SPOCK3: variants seen among roughly 807,000 people sequenced by gnomAD.
SPOCK3 encodes SPARC (osteonectin), cwcv and kazal like domains proteoglycan 3.
Under a neutral mutation model 56.6 loss-of-function variants are expected in SPOCK3, and 30 were observed. That is an observed-to-expected ratio of 0.53 (90% CI 0.40 to 0.72). SPOCK3 has a LOEUF of 0.72. Among genes scored for constraint, SPOCK3 ranks in the 30% least tolerant of loss-of-function variants. The pLI, the probability that SPOCK3 is intolerant of heterozygous loss-of-function variation, is 0.00. For missense variants in SPOCK3, 527 were observed against 530.0 expected (o/e 0.99, Z 0.06); for synonymous variants, 196 against 183.3 (o/e 1.07, Z -0.56).
intron 2 of SPOCK3, 188 bp from the exon 3 acceptor site, chr4:167,062,725 CAAAA>C: frequency 1.8e-6 from 1 of 543,150 alleles, no homozygotes; most frequent in Non-Finnish European, 3.3e-6. Context: ...GAATAGTTAT[CAAAA>C]AGGAACACAC....
At chr4:167,169,941 T>C (rs1387414812) in intron 2 of SPOCK3, among the ~76,000 whole-genome samples, 1 of 152,136 alleles carries the variant, frequency 6.6e-6, no homozygotes, top group Non-Finnish European at 1.5e-5. Context: ...CCTGCCACCA[T>C]GTAAGATGTG....
At chr4:166,927,540 C>T (rs900359531) in intron 4 of SPOCK3, among the ~76,000 whole-genome samples, 5 of 152,156 alleles carry the variant, frequency 3.3e-5, no homozygotes, top group Admixed American at 6.5e-5. Flanking sequence ...CAGATGAATA[C>T]ACCCATAAAG....
At chr4:167,051,308 C>A (rs1042969786) in intron 3 of SPOCK3, among the ~76,000 whole-genome samples, 3 of 152,150 alleles carry the variant, frequency 2.0e-5, no homozygotes, top group Non-Finnish European at 4.4e-5. Flanking sequence ...CTCTAGCCAG[C>A]AGAGGCCTCC....
chr4:166,913,774 TTC>T (rs1737537425), intron 4 of SPOCK3, among the ~76,000 whole-genome samples: 1 of 151,728 alleles, frequency 6.6e-6, no homozygotes, highest in African/African-American at 2.4e-5. Flanking sequence ...ATAGATTATT[TTC>T]TGTCTCTCTC....
In SPOCK3 at chr4:167,025,966, C is replaced by A. The variant is rs75685219; in HGVS notation, c.236-25503G>T. Reference sequence around the variant, plus strand: ...ATGTTACTGCACTGAACACTGTAGGCCCTTGTAACACAATGGTAAGAATGT... The same window carrying A: ...ATGTTACTGCACTGAACACTGTAGGACCTTGTAACACAATGGTAAGAATGT... On this transcript the variant is annotated intron_variant, in intron 3 of 10. Coordinates refer to ENST00000357545, the MANE Select transcript of SPOCK3 (RefSeq NM_001040159.2). Among the ~76,000 whole-genome samples, 435 of 152,132 alleles carry A rather than the reference C, an allele frequency of 2.9e-3. 6 individuals carry two copies. The East Asian group carries it at 0.031, about 11-fold the overall frequency.
intron 4 of SPOCK3, among the ~76,000 whole-genome samples, chr4:166,936,684 G>C (rs28549343): frequency 6.6e-6 from 1 of 151,838 alleles, no homozygotes; most frequent in African/African-American, 2.4e-5. Flanking sequence ...TCTCTACTAC[G>C]TATTTGATTT....
At chr4:166,974,653 C>G (rs1327458344) in intron 4 of SPOCK3, among the ~76,000 whole-genome samples, 4 of 152,146 alleles carry the variant, frequency 2.6e-5, no homozygotes, top group Non-Finnish European at 5.9e-5. Flanking sequence ...TCTCACTACA[C>G]CAAAAATATT....
At chr4:167,026,968 C>A (rs1751754709) in intron 3 of SPOCK3, among the ~76,000 whole-genome samples, 1 of 151,646 alleles carries the variant, frequency 6.6e-6, no homozygotes, top group Non-Finnish European at 1.5e-5. Context: ...CTATCCTTAC[C>A]TCCTATCATA....
intron 3 of SPOCK3, among the ~76,000 whole-genome samples, chr4:167,032,000 G>A (rs1214423854): frequency 1.3e-5 from 2 of 151,848 alleles, no homozygotes; most frequent in Admixed American, 1.3e-4. Flanking sequence ...GGTTTATTTT[G>A]CTTGCATTAA....
At chr4:167,133,933 T>C (rs892587166) in intron 2 of SPOCK3, among the ~76,000 whole-genome samples, 1 of 152,078 alleles carries the variant, frequency 6.6e-6, no homozygotes, top group African/African-American at 2.4e-5. Flanking sequence ...ATAAGCACAG[T>C]CAACTACTAC....
chr4:167,166,206 C>G (rs912585423), intron 2 of SPOCK3, among the ~76,000 whole-genome samples: 1 of 152,086 alleles, frequency 6.6e-6, no homozygotes, highest in Non-Finnish European at 1.5e-5. Context: ...AAATTTTACA[C>G]TATTTTAATA....
intron 4 of SPOCK3, among the ~76,000 whole-genome samples, chr4:166,946,384 C>A (rs752888430): frequency 1.3e-4 from 20 of 152,192 alleles, no homozygotes; most frequent in Non-Finnish European, 1.3e-4. Context: ...CTAATTCATA[C>A]CCCAGGCTCA....
intron 2 of SPOCK3, among the ~76,000 whole-genome samples, chr4:167,137,853 T>C (rs1763246311): frequency 6.6e-6 from 1 of 151,880 alleles, no homozygotes; most frequent in Non-Finnish European, 1.5e-5. Context: ...CTAATACATG[T>C]ATATGTATTC....
intron 8 of SPOCK3, among the ~76,000 whole-genome samples, chr4:166,749,363 CATTCTGA>C: frequency 1.1e-5 from 1 of 91,270 alleles, no homozygotes; most frequent in South Asian, 2.8e-4. Flanking sequence ...TGGAAACTAT[CATTCTGA>C]GCAAACTATC....
At chr4:167,211,863 T>C (rs1734909830) in intron 2 of SPOCK3, among the ~76,000 whole-genome samples, 1 of 152,214 alleles carries the variant, frequency 6.6e-6, no homozygotes, top group South Asian at 2.1e-4. Flanking sequence ...ATACTTTTAA[T>C]CAATTGTTTT....
intron 4 of SPOCK3, among the ~76,000 whole-genome samples, chr4:166,985,072 T>C (rs973525122): frequency 4.3e-4 from 65 of 152,230 alleles, no homozygotes; most frequent in African/African-American, 1.4e-3. Context: ...CAAGGTGTAA[T>C]ATTCTTTATC....
chr4:166,863,561 A>G (rs1731462901), intron 6 of SPOCK3, among the ~76,000 whole-genome samples: 2 of 101,968 alleles, frequency 2.0e-5, no homozygotes, highest in African/African-American at 6.0e-5. Flanking sequence ...TCAAAGACAC[A>G]CATAGACTTA....
chr4:167,014,862 C>T (rs1456709680), intron 3 of SPOCK3, among the ~76,000 whole-genome samples: 6 of 151,896 alleles, frequency 4.0e-5, no homozygotes, highest in Non-Finnish European at 8.8e-5. Context: ...AATCGGGTAT[C>T]CGCATTCACA....
intron 6 of SPOCK3, among the ~76,000 whole-genome samples, chr4:166,842,135 T>C (rs1008459125): frequency 3.3e-5 from 5 of 152,198 alleles, no homozygotes; most frequent in Non-Finnish European, 7.3e-5. Flanking sequence ...GCAGTGAGTG[T>C]TATAGCTCAT....
Sources: allele counts gnomAD v4.1 joint callset (sites outside exome capture counted in the v4.1 genomes callset), GRCh38; gene constraint gnomAD v4.1.1; transcripts MANE v1.5; gene names NCBI Gene and HGNC (gene_info 2026-07-23, HGNC 2026-07-21).